The following WWTR1 variants were observed in gnomAD, a reference collection of about 807,000 sequenced individuals.
WWTR1 encodes WW domain containing transcription regulator 1.
A neutral mutation model predicts 40.1 loss-of-function variants in WWTR1; 13 were observed. That is an observed-to-expected ratio of 0.32 (90% CI 0.21 to 0.52). The LOEUF (loss-of-function observed/expected upper bound fraction) is 0.52. Among genes scored for constraint, WWTR1 ranks in the 20% least tolerant of loss-of-function variants. The pLI is 0.97. For missense variants in WWTR1, 436 were observed against 523.1 expected, an observed-to-expected ratio of 0.83 and a Z score of 1.63; for synonymous variants, 230 against 210.1, an observed-to-expected ratio of 1.09 and a Z score of -0.82.
intron 3 of WWTR1, among the ~76,000 whole-genome samples, chr3:149,543,217 G>C (rs1382629533): frequency 1.3e-5 from 2 of 152,160 alleles, no homozygotes; most frequent in East Asian, 1.9e-4. Context: ...AAACGCATGA[G>C]AAATATTTTC....
At chr3:149,543,442 C>G (rs1736216520) in intron 3 of WWTR1, among the ~76,000 whole-genome samples, 1 of 151,532 alleles carries the variant, frequency 6.6e-6, no homozygotes, top group African/African-American at 2.4e-5. Context: ...ATTAGCCGGG[C>G]ATGATGGTGC....
At chr3:149,642,977 CAT>C (rs1028824414) in intron 2 of WWTR1, among the ~76,000 whole-genome samples, 8 of 152,180 alleles carry the variant, frequency 5.3e-5, no homozygotes, top group Admixed American at 2.0e-4. Context: ...ACTAAATTCA[CAT>C]GTCTTTACAA....
chr3:149,578,283 C>A (rs1405804934), intron 2 of WWTR1, among the ~76,000 whole-genome samples: 1 of 152,070 alleles, frequency 6.6e-6, no homozygotes, highest in Non-Finnish European at 1.5e-5. Context: ...TCACACTACC[C>A]ATATGCATGA....
chr3:149,578,224 C>T (rs114665847), intron 2 of WWTR1, among the ~76,000 whole-genome samples: 1,668 of 152,146 alleles, frequency 0.011, 8 homozygotes, highest in Non-Finnish European at 0.018. Context: ...CCTGGGTGCC[C>T]GGGTTTAATA....
At chr3:149,612,405 T>C (rs980107046) in intron 2 of WWTR1, among the ~76,000 whole-genome samples, 43 of 151,978 alleles carry the variant, frequency 2.8e-4, no homozygotes, top group African/African-American at 9.4e-4. Flanking sequence ...CCTACCAGTA[T>C]ATACTTTGGC....
intron 4 of WWTR1, among the ~76,000 whole-genome samples, chr3:149,541,744 A>G (rs1018528830): frequency 6.6e-6 from 1 of 152,094 alleles, no homozygotes; most frequent in African/African-American, 2.4e-5. Context: ...CCCAGCTGCT[A>G]TGGAATGAGT....
intron 2 of WWTR1, among the ~76,000 whole-genome samples, chr3:149,651,325 A>T (rs1712850712): frequency 6.6e-6 from 1 of 152,204 alleles, no homozygotes; most frequent in African/African-American, 2.4e-5. Flanking sequence ...AATGAGGGAT[A>T]AACCAAAAAA....
chr3:149,665,578 A>C (rs1343136606), intron 2 of WWTR1, among the ~76,000 whole-genome samples: 4 of 152,206 alleles, frequency 2.6e-5, no homozygotes, highest in Non-Finnish European at 5.9e-5. Flanking sequence ...CTAACAGCTT[A>C]ACATATGCAA....
At chr3:149,707,233 C>T (rs1715356997), upstream of WWTR1, among the ~76,000 whole-genome samples, 2 of 152,154 alleles carry the variant, frequency 1.3e-5, no homozygotes, top group Admixed American at 1.3e-4. Context: ...CTAGCACATG[C>T]AGTGTAGGGA....
At chr3:149,636,450 G>T (rs1456146008) in intron 2 of WWTR1, among the ~76,000 whole-genome samples, 2 of 152,162 alleles carry the variant, frequency 1.3e-5, no homozygotes, top group Admixed American at 6.5e-5. Flanking sequence ...GGGAATAGAT[G>T]AATATATTGA....
chr3:149,583,192 T>C (rs1011352632), intron 2 of WWTR1, among the ~76,000 whole-genome samples: 1 of 152,144 alleles, frequency 6.6e-6, no homozygotes, highest in Non-Finnish European at 1.5e-5. Context: ...TCCTGAACTC[T>C]TGACCTCATG....
At chr3:149,680,560 CCAAA>C (rs980662329) in intron 1 of WWTR1, among the ~76,000 whole-genome samples, 133 of 132,004 alleles carry the variant, frequency 1.0e-3, no homozygotes, top group African/African-American at 2.6e-3. Context: ...AACCAACCAA[CCAAA>C]CAAACAAACA....
chr3:149,627,377 A>G (rs1176291269), intron 2 of WWTR1, among the ~76,000 whole-genome samples: 1 of 152,196 alleles, frequency 6.6e-6, no homozygotes, highest in Admixed American at 6.5e-5. Context: ...TTTATGCTGA[A>G]CAATGAAATG....
intron 1 of WWTR1, among the ~76,000 whole-genome samples, chr3:149,701,407 C>T (rs1715166257): frequency 6.6e-6 from 1 of 152,090 alleles, no homozygotes; most frequent in Non-Finnish European, 1.5e-5. Context: ...ACCTCACGTG[C>T]CCCTGAGCCC....
chr3:149,636,428 T>G (rs1163211696), intron 2 of WWTR1, among the ~76,000 whole-genome samples: 1 of 152,252 alleles, frequency 6.6e-6, no homozygotes, highest in African/African-American at 2.4e-5. Flanking sequence ...AAGTGGAATG[T>G]GGAAATAATC....
intron 2 of WWTR1, among the ~76,000 whole-genome samples, chr3:149,663,303 C>G (rs956251094): frequency 1.3e-5 from 2 of 150,842 alleles, no homozygotes; most frequent in African/African-American, 4.9e-5. Context: ...CAGATGTGAG[C>G]CACCAGGCCC....
intron 2 of WWTR1, among the ~76,000 whole-genome samples, chr3:149,599,651 G>T (rs925179461): frequency 2.6e-5 from 4 of 152,182 alleles, no homozygotes; most frequent in Non-Finnish European, 5.9e-5. Context: ...TGAAGAACCT[G>T]CCAGCTTTGA....
At chr3:149,619,107 AAG>A (rs1217444960) in intron 2 of WWTR1, among the ~76,000 whole-genome samples, 4 of 152,218 alleles carry the variant, frequency 2.6e-5, no homozygotes, top group Non-Finnish European at 5.9e-5. Context: ...ACCTTTCAGA[AAG>A]AGATGAAATT....
At chr3:149,576,721 T>C (rs181531474) in intron 2 of WWTR1, among the ~76,000 whole-genome samples, 1 of 152,274 alleles carries the variant, frequency 6.6e-6, no homozygotes, top group African/African-American at 2.4e-5. Context: ...CTATTTATGG[T>C]GATATATGCA....
Sources: gnomAD v4.1 joint callset for allele counts (sites outside exome capture counted in the v4.1 genomes callset) on GRCh38, gnomAD v4.1.1 for gene constraint, MANE v1.5 for transcripts, NCBI Gene and HGNC (gene_info 2026-07-23, HGNC 2026-07-21) for gene names.